The following MCC variants were observed in gnomAD, a reference collection of about 807,000 sequenced individuals.
The protein encoded by MCC is colorectal mutant cancer protein.
A neutral mutation model predicts 116.2 loss-of-function variants in MCC; 90 were observed. The ratio of observed to expected loss-of-function variants is 0.77; its 90% confidence interval spans 0.65 to 0.92. The LOEUF (loss-of-function observed/expected upper bound fraction) is 0.92, where lower values mean the gene tolerates loss of function less well. Ranked by LOEUF, MCC falls within the 40% of genes least tolerant of loss-of-function variation. The probability of loss-of-function intolerance (pLI) is 0.00; values close to 1 mark genes in which losing one functional copy is unlikely to be tolerated. For missense variants in MCC, 1,516 were observed against 1,312.2 expected, an observed-to-expected ratio of 1.16 and a Z score of -2.40; for synonymous variants, 578 against 510.5, an observed-to-expected ratio of 1.13 and a Z score of -1.78.
chr5:113,436,021 TC>T (rs1770847425), intron 1 of MCC: 2 of 152,490 alleles, frequency 1.3e-5, no homozygotes, highest in Admixed American at 1.3e-4. Context: ...TGCATGACTG[TC>T]CTAGCCTTGG....
chr5:113,296,877 C>T (rs1267645095), intron 3 of MCC, among the ~76,000 whole-genome samples: 2 of 151,912 alleles, frequency 1.3e-5, no homozygotes, highest in African/African-American at 4.8e-5. Flanking sequence ...ACGACTCTAC[C>T]CCTAAAACCA....
At chr5:113,072,507 G>A (rs994779768) in intron 11 of MCC, among the ~76,000 whole-genome samples, 1 of 152,110 alleles carries the variant, frequency 6.6e-6, no homozygotes, top group Non-Finnish European at 1.5e-5. Flanking sequence ...ATGTAGCCAA[G>A]CCCATCTCAG....
chr5:113,302,509 T>A (rs992688581), intron 3 of MCC, among the ~76,000 whole-genome samples: 1 of 152,244 alleles, frequency 6.6e-6, no homozygotes, highest in African/African-American at 2.4e-5. Context: ...ATATACTTTT[T>A]GGATATTTCA....
intron 1 of MCC, among the ~76,000 whole-genome samples, chr5:113,395,871 C>T (rs1467021257): frequency 6.7e-6 from 1 of 149,702 alleles, no homozygotes; most frequent in Non-Finnish European, 1.5e-5. Flanking sequence ...ATGGCCCATG[C>T]AACTACATCA....
intron 17 of MCC, among the ~76,000 whole-genome samples, chr5:113,035,583 G>A (rs974557949): frequency 7.2e-5 from 11 of 152,072 alleles, no homozygotes; most frequent in African/African-American, 2.7e-4. Flanking sequence ...TTGGGCTGCT[G>A]GAATCACCCT....
At chr5:113,392,606 G>A (rs1769427934) in intron 1 of MCC, among the ~76,000 whole-genome samples, 1 of 151,974 alleles carries the variant, frequency 6.6e-6, no homozygotes, top group Non-Finnish European at 1.5e-5. Context: ...AAATGGAGGA[G>A]ACATGAACAA....
chr5:113,447,699 C>T (rs1429226069), intron 1 of MCC, among the ~76,000 whole-genome samples: 1 of 151,992 alleles, frequency 6.6e-6, no homozygotes, highest in Non-Finnish European at 1.5e-5. Context: ...GGCTAAAATT[C>T]AAATAAACAC....
chr5:113,283,533 C>T lies in MCC; in HGVS notation c.627+56986G>A, dbSNP rs78231635. Among the ~76,000 whole-genome samples, 317 of 151,996 alleles carry T rather than the reference C, an allele frequency of 2.1e-3. 1 individual carries two copies. Among genetic ancestry groups the T allele is most frequent in the African/African-American group, 7.0e-3 (289 of 41,482 alleles). On this transcript the variant is annotated intron_variant, in intron 3 of 18. Coordinates refer to ENST00000408903, the MANE Select transcript of MCC (RefSeq NM_001085377.2). ...AAATATAAAAATTTTTAAAAAGAAA[C>T]GGAAAAGAACAAGTGTTATCAAGGA...
At chr5:113,356,428 T>C (rs944257104) in intron 2 of MCC, among the ~76,000 whole-genome samples, 2 of 149,258 alleles carry the variant, frequency 1.3e-5, no homozygotes, top group African/African-American at 2.4e-5. Context: ...TATATATATA[T>C]ATAATTTTTA....
chr5:113,029,082 C>T, intron 17 of MCC, 26 bp from the exon 18 acceptor site: 1 of 1,595,824 alleles, frequency 6.3e-7, no homozygotes, highest in Non-Finnish European at 8.6e-7. Context: ...CAAAATATGC[C>T]AGGAGTAGTT....
At chr5:113,124,331 T>TA (rs1757914632) in intron 5 of MCC, among the ~76,000 whole-genome samples, 1 of 152,240 alleles carries the variant, frequency 6.6e-6, no homozygotes, top group Non-Finnish European at 1.5e-5. Flanking sequence ...CACTGATAGA[T>TA]ACATTAGCTC....
chr5:113,237,025 C>A (rs114668401), intron 3 of MCC, among the ~76,000 whole-genome samples: 1 of 152,140 alleles, frequency 6.6e-6, no homozygotes. Flanking sequence ...AAAGTGGCAA[C>A]GGGGCTCCTG....
At chr5:113,219,820 C>A (rs1057328746) in intron 3 of MCC, among the ~76,000 whole-genome samples, 1 of 152,050 alleles carries the variant, frequency 6.6e-6, no homozygotes, top group Non-Finnish European at 1.5e-5. Flanking sequence ...TCCAGTCCAA[C>A]CTGGCCTTCA....
At chr5:113,360,727 T>A (rs1561537639) in intron 2 of MCC, among the ~76,000 whole-genome samples, 2 of 152,240 alleles carry the variant, frequency 1.3e-5, no homozygotes, top group Non-Finnish European at 2.9e-5. Context: ...AATCTGTTCA[T>A]AATCTTTTCT....
In MCC at chr5:113,045,645, C is replaced by T. The variant is rs188774192; in HGVS notation, c.2656-2015G>A. Among the ~76,000 whole-genome samples the T allele has an allele frequency of 2.1e-3, 314 of 151,970 alleles. 1 individual carries two copies. Among genetic ancestry groups the T allele is most frequent in the Middle Eastern group, 0.01 (3 of 294 alleles). On this transcript the variant is annotated intron_variant, in intron 16 of 18. Coordinates refer to ENST00000408903, the MANE Select transcript of MCC (RefSeq NM_001085377.2). ...TGAAAACTCATCTCTACTAAAAATACAAAATTAACCAGGCATGGTGGCGCA... is the reference window on the plus strand; with the variant it reads ...TGAAAACTCATCTCTACTAAAAATATAAAATTAACCAGGCATGGTGGCGCA...
chr5:113,487,422 C>G (rs1052964544), intron 1 of MCC, among the ~76,000 whole-genome samples: 1 of 152,222 alleles, frequency 6.6e-6, no homozygotes, highest in Non-Finnish European at 1.5e-5. Context: ...CCTTCTTCAC[C>G]ACAAGAGTCT....
In MCC at chr5:113,104,274, C is replaced by A; in HGVS notation, c.1109G>T (p.Ser370Ile). Reference protein sequence around the residue: ...ENVVCGRKKSSCSLSVAEVDK... With the variant: ...ENVVCGRKKSICSLSVAEVDK... ...CACCTCGGCCACGGAGAGGCTGCAG[C>A]TGCTCTTCTTCCTGCCGCAGACAAC... Residue 370 changes from serine (S) to isoleucine (I), a missense_variant, in exon 7 of 19, where the codon AGC becomes ATC. Coordinates refer to ENST00000408903, the MANE Select transcript of MCC (RefSeq NM_001085377.2). 2 of 1,614,118 alleles carry A rather than the reference C, an allele frequency of 1.2e-6. No homozygotes were observed. Among genetic ancestry groups the A allele is most frequent in the Non-Finnish European group, 1.7e-6 (2 of 1,180,038 alleles).
At chr5:113,092,416 C>G (rs1226099345) in intron 8 of MCC, among the ~76,000 whole-genome samples, 1 of 152,204 alleles carries the variant, frequency 6.6e-6, no homozygotes, top group East Asian at 1.9e-4. Flanking sequence ...CTTGCCGACA[C>G]TTTCATTTTA....
chr5:113,451,985 T>C (rs762983826), intron 1 of MCC, among the ~76,000 whole-genome samples: 2 of 152,220 alleles, frequency 1.3e-5, no homozygotes, highest in African/African-American at 2.4e-5. Flanking sequence ...TTCACCCCCA[T>C]GTTTGGCTGT....
Sources: gnomAD v4.1 joint callset for allele counts (sites outside exome capture counted in the v4.1 genomes callset) on GRCh38, gnomAD v4.1.1 for gene constraint, MANE v1.5 for transcripts, NCBI Gene and HGNC (gene_info 2026-07-23, HGNC 2026-07-21) for gene names.